WDR64: variants seen among roughly 807,000 people sequenced by gnomAD.
WDR64 encodes the protein WD repeat domain 64.
WDR64 carries 112 observed loss-of-function variants against 139.3 expected under a neutral mutation model. The ratio of observed to expected loss-of-function variants is 0.80; its 90% CI spans 0.69 to 0.94. WDR64 has a LOEUF of 0.94. Ranked by LOEUF, WDR64 falls within the 40% of genes least tolerant of loss-of-function variation. The probability of loss-of-function intolerance (pLI) is 0.00; values close to 1 mark genes in which losing one functional copy is unlikely to be tolerated. For missense variants in WDR64, 1,206 were observed against 1,293.1 expected (o/e 0.93, Z 1.03); for synonymous variants, 444 against 437.7 (o/e 1.01, Z -0.18).
rs568770630 is a variant in WDR64, at chr1:241,801,437, T to C, written c.*222T>C. 5.7e-4 allele frequency: 278 copies of C among 484,788 alleles called. No homozygotes were observed. The highest frequency in any genetic ancestry group is 1.6e-3 in the Admixed American group (47 of 28,788). 30.0% of individuals were successfully genotyped at this position (484,788 alleles called of 1,614,324 possible). A position where few individuals can be genotyped will look rare whatever the true frequency, so the allele number is the denominator to read the frequency against. On this transcript the variant is annotated 3_prime_UTR_variant, in exon 28 of 28. Transcript: ENST00000437684. ...CCAGAAGTTTAGGCGGTGTTTCTTA[T>C]TTACTGTCAGCAAACTGACACATAA...
At chr1:241,696,851 G>A (rs1244201632) in intron 8 of WDR64, among the ~76,000 whole-genome samples, 3 of 152,134 alleles carry the variant, frequency 2.0e-5, no homozygotes, top group Non-Finnish European at 4.4e-5. Flanking sequence ...ATCTCATCCT[G>A]TGACTAAGAA....
At chr1:241,742,308 G>A (rs551337138) in intron 12 of WDR64, among the ~76,000 whole-genome samples, 1 of 152,176 alleles carries the variant, frequency 6.6e-6, no homozygotes, top group Non-Finnish European at 1.5e-5. Context: ...CTTGAATGAG[G>A]CTGGGTAAAA....
At chr1:241,779,275 C>T (rs889381637) in intron 21 of WDR64, among the ~76,000 whole-genome samples, 11 of 152,046 alleles carry the variant, frequency 7.2e-5, no homozygotes, top group Non-Finnish European at 1.3e-4. Flanking sequence ...CATCTGGCTT[C>T]TTTCAAGACT....
At chr1:241,660,909 G>A (rs568057707) in intron 2 of WDR64, among the ~76,000 whole-genome samples, 1 of 152,160 alleles carries the variant, frequency 6.6e-6, no homozygotes, top group Admixed American at 6.5e-5. Context: ...AGTAGGAAGA[G>A]CTATACATGC....
chr1:241,712,515 T>G (rs1436906149), intron 9 of WDR64, among the ~76,000 whole-genome samples: 1 of 152,172 alleles, frequency 6.6e-6, no homozygotes, highest in Non-Finnish European at 1.5e-5. Flanking sequence ...TACTGGGGTT[T>G]TAATATCCAT....
intron 14 of WDR64, among the ~76,000 whole-genome samples, chr1:241,750,006 T>G (rs6429302): frequency 0.15 from 22,768 of 152,218 alleles, 1,900 homozygotes; most frequent in African/African-American, 0.19. Context: ...TATACTCAGC[T>G]GCCACCTCTG....
chr1:241,765,021 CA>C (rs1028887266), intron 15 of WDR64, among the ~76,000 whole-genome samples: 2 of 151,568 alleles, frequency 1.3e-5, no homozygotes, highest in South Asian at 2.1e-4. Context: ...CTTGTCTCTA[CA>C]AAAAAAATCA....
intron 14 of WDR64, among the ~76,000 whole-genome samples, chr1:241,755,149 G>A (rs1670134615): frequency 1.3e-5 from 2 of 152,202 alleles, no homozygotes; most frequent in Admixed American, 1.3e-4. Context: ...TTGCCACACT[G>A]TCTTCCACAA....
chr1:241,670,709 G>A (rs973522309), intron 2 of WDR64, among the ~76,000 whole-genome samples: 2 of 152,216 alleles, frequency 1.3e-5, no homozygotes, highest in Admixed American at 6.5e-5. Context: ...CAGATCAGCA[G>A]TGGCACTAGA....
chr1:241,666,194 A>G (rs1159329948), intron 2 of WDR64, among the ~76,000 whole-genome samples: 1 of 152,192 alleles, frequency 6.6e-6, no homozygotes, highest in Non-Finnish European at 1.5e-5. Context: ...AAATCTTGTC[A>G]CAGGCAACAT....
At chr1:241,708,428 C>T (rs1471597233) in intron 8 of WDR64, among the ~76,000 whole-genome samples, 2 of 152,212 alleles carry the variant, frequency 1.3e-5, no homozygotes, top group Non-Finnish European at 2.9e-5. Flanking sequence ...CAGCTCCTGT[C>T]TCAGCCTTCT....
chr1:241,772,198 T>G lies in WDR64; in HGVS notation c.2290+501T>G, dbSNP rs147507595. On this transcript the variant is annotated intron_variant, in intron 19 of 27. Transcript: ENST00000437684. Reference sequence around the variant, plus strand: ...ATAAGATTTATGAATAAATACCTTGTGTGAGCTGTTATGTATAGTATAGAA... The same window carrying G: ...ATAAGATTTATGAATAAATACCTTGGGTGAGCTGTTATGTATAGTATAGAA... Among the ~76,000 whole-genome samples the G allele has an allele frequency of 6.6e-3, 978 of 149,116 alleles. 10 individuals are homozygous for G. The highest frequency in any genetic ancestry group is 0.023 in the African/African-American group (935 of 41,084).
intron 13 of WDR64, among the ~76,000 whole-genome samples, chr1:241,746,491 G>A (rs1416275648): frequency 2.0e-5 from 3 of 151,686 alleles, no homozygotes; most frequent in Non-Finnish European, 2.9e-5. Context: ...CATTTGAGCT[G>A]CTACAACGGA....
chr1:241,723,932 T>C (rs1187925757), intron 10 of WDR64, among the ~76,000 whole-genome samples: 1 of 151,764 alleles, frequency 6.6e-6, no homozygotes. Flanking sequence ...CTAGTTGCAA[T>C]GGCAACCTAA....
At chr1:241,758,419 G>A (rs1213411198) in intron 15 of WDR64, among the ~76,000 whole-genome samples, 4 of 151,622 alleles carry the variant, frequency 2.6e-5, no homozygotes, top group South Asian at 2.1e-4. Context: ...TTACTGGAAC[G>A]TGTGTAAAGA....
chr1:241,677,434 T>A, intron 4 of WDR64: 1 of 398,612 alleles, frequency 2.5e-6, no homozygotes. Flanking sequence ...CTCTCTGATC[T>A]ACTTTCTCTA....
At chr1:241,737,357 A>G (rs1337206790) in intron 10 of WDR64, among the ~76,000 whole-genome samples, 1 of 152,192 alleles carries the variant, frequency 6.6e-6, no homozygotes, top group South Asian at 2.1e-4. Context: ...GAAGATTTGA[A>G]CCTAATTAAC....
chr1:241,679,414 C>A, intron 5 of WDR64, 71 bp from the exon 6 acceptor site: 1 of 1,340,154 alleles, frequency 7.5e-7, no homozygotes, highest in South Asian at 1.3e-5. Flanking sequence ...GACTAACCTG[C>A]TCTTTGGTGA....
At chr1:241,705,264 G>A (rs530973336) in intron 8 of WDR64, among the ~76,000 whole-genome samples, 11 of 152,152 alleles carry the variant, frequency 7.2e-5, no homozygotes, top group South Asian at 2.1e-4. Context: ...GGTCTTGGCC[G>A]GGCGGGGTGG....
Sources: allele counts gnomAD v4.1 joint callset (sites outside exome capture counted in the v4.1 genomes callset), GRCh38; gene constraint gnomAD v4.1.1; transcripts MANE v1.5; gene names NCBI Gene and HGNC (gene_info 2026-07-23, HGNC 2026-07-21).